Variants in CNTNAP2 observed in about 807,000 individuals in gnomAD.
The protein encoded by CNTNAP2 is contactin associated protein 2.
In CNTNAP2, 98 loss-of-function variants were observed where a neutral mutation model predicts 155.2. That is an observed-to-expected ratio of 0.63 (90% CI 0.54 to 0.75). The LOEUF (loss-of-function observed/expected upper bound fraction) is 0.75. Ranked by LOEUF, CNTNAP2 falls within the 30% of genes least tolerant of loss-of-function variation. CNTNAP2 has a pLI of 0.00. For synonymous variants in CNTNAP2, 651 were observed against 631.2 expected (o/e 1.03, Z -0.47); for missense variants, 1,727 against 1,688.1 (o/e 1.02, Z -0.40).
intron 1 of CNTNAP2, among the ~76,000 whole-genome samples, chr7:146,342,189 T>C (rs1159121144): frequency 6.6e-6 from 1 of 152,162 alleles, no homozygotes; most frequent in Non-Finnish European, 1.5e-5. Flanking sequence ...TGGAAGATTA[T>C]TCTTCAGAGA....
intron 1 of CNTNAP2, among the ~76,000 whole-genome samples, chr7:146,259,317 A>G (rs1799885429): frequency 6.6e-6 from 1 of 152,274 alleles, no homozygotes; most frequent in East Asian, 1.9e-4. Context: ...ATAACCTGAA[A>G]ATGTGGAAGT....
chr7:146,801,540 G>A lies in CNTNAP2; in HGVS notation c.208+27159G>A, dbSNP rs755747969. Among the ~76,000 whole-genome samples the A allele has an allele frequency of 5.9e-5, 9 of 152,152 alleles. 1 individual carries two copies. Among genetic ancestry groups the A allele is most frequent in the African/African-American group, 1.2e-4 (5 of 41,456 alleles). ...AAGTTTCTATTTCCAAGAAAGGTAC[G>A]TAAGTGGAAATATATAGAGAATTTT... On this transcript the variant is annotated intron_variant, in intron 2 of 23. Coordinates refer to ENST00000361727, the MANE Select transcript of CNTNAP2 (RefSeq NM_014141.6).
chr7:147,863,204 G>A (rs188775684), intron 13 of CNTNAP2, among the ~76,000 whole-genome samples: 1 of 152,118 alleles, frequency 6.6e-6, no homozygotes, highest in African/African-American at 2.4e-5. Flanking sequence ...CCTTGTGATA[G>A]TTTGCTGAGA....
intron 1 of CNTNAP2, among the ~76,000 whole-genome samples, chr7:146,622,571 A>G (rs1053572480): frequency 3.9e-5 from 6 of 152,104 alleles, no homozygotes; most frequent in African/African-American, 1.4e-4. Context: ...ATATTGATGT[A>G]TCCAACTATA....
intron 8 of CNTNAP2, among the ~76,000 whole-genome samples, chr7:147,172,248 T>C (rs1484481978): frequency 2.6e-5 from 4 of 152,194 alleles, no homozygotes; most frequent in Non-Finnish European, 5.9e-5. Context: ...TATAGCATCC[T>C]ATGTATCTGT....
At chr7:147,120,891 T>A (rs985207019) in intron 5 of CNTNAP2, 88 bp from the exon 6 acceptor site, 18 of 1,222,888 alleles carry the variant, frequency 1.5e-5, no homozygotes, top group Non-Finnish European at 2.2e-5. Context: ...AATGTCAGCC[T>A]CTAGGTGCTG....
At chr7:146,501,942 A>G (rs1797306207) in intron 1 of CNTNAP2, among the ~76,000 whole-genome samples, 1 of 152,040 alleles carries the variant, frequency 6.6e-6, no homozygotes, top group Non-Finnish European at 1.5e-5. Flanking sequence ...CCAGAAGCTG[A>G]AACAAACAAG....
At chr7:146,688,434 G>A (rs1194278053) in intron 1 of CNTNAP2, among the ~76,000 whole-genome samples, 1 of 151,988 alleles carries the variant, frequency 6.6e-6, no homozygotes, top group Non-Finnish European at 1.5e-5. Flanking sequence ...TGAAAAAGGA[G>A]TCAGCAAAGG....
chr7:146,293,561 A>G lies in CNTNAP2; in HGVS notation c.97+176588A>G, dbSNP rs369488929. On this transcript the variant is annotated intron_variant, in intron 1 of 23. Coordinates refer to ENST00000361727, the MANE Select transcript of CNTNAP2 (RefSeq NM_014141.6). ...TAGTTAACATTTAGTAACTAAGTAC[A>G]CTAGTACATTTGACTTACAGGCCAT... Among the ~76,000 whole-genome samples, 169 of 152,252 alleles carry G rather than the reference A, an allele frequency of 1.1e-3. 4 individuals are homozygous for G. In the South Asian group the frequency reaches 0.031, roughly 28 times the overall value.
intron 13 of CNTNAP2, among the ~76,000 whole-genome samples, chr7:147,680,411 T>C (rs1563050773): frequency 2.0e-5 from 3 of 151,894 alleles, no homozygotes; most frequent in Admixed American, 6.6e-5. Context: ...TATCAAGACA[T>C]ATGAGAAGAT....
chr7:146,171,747 A>G lies in CNTNAP2; in HGVS notation c.97+54774A>G, dbSNP rs80116822. Reference sequence around the variant, plus strand: ...GGAAATAGTATCATAAAACATATATAATGTGTAAATTTAATAAACTTTTAA... The same window carrying G: ...GGAAATAGTATCATAAAACATATATGATGTGTAAATTTAATAAACTTTTAA... On this transcript the variant is annotated intron_variant, in intron 1 of 23. Transcript: ENST00000361727. Among the ~76,000 whole-genome samples, 86 of 152,206 alleles carry G rather than the reference A, an allele frequency of 5.7e-4. 2 individuals are homozygous for G. In the East Asian group the frequency reaches 0.014, roughly 26 times the overall value.
At chr7:147,114,076 A>G (rs1024070717) in intron 5 of CNTNAP2, among the ~76,000 whole-genome samples, 5 of 152,178 alleles carry the variant, frequency 3.3e-5, no homozygotes, top group African/African-American at 1.2e-4. Flanking sequence ...TATTTACCCA[A>G]GAGTCACTAA....
chr7:148,399,407 C>A (rs1201540948), intron 22 of CNTNAP2, among the ~76,000 whole-genome samples: 4 of 152,152 alleles, frequency 2.6e-5, no homozygotes, highest in Non-Finnish European at 5.9e-5. Context: ...CATAGCAAGA[C>A]CCTGTCTCTA....
At chr7:148,083,298 C>T (rs1293461640) in intron 15 of CNTNAP2, among the ~76,000 whole-genome samples, 1 of 152,156 alleles carries the variant, frequency 6.6e-6, no homozygotes, top group Non-Finnish European at 1.5e-5. Context: ...TTCTCAGTTA[C>T]CTTTCATAAT....
chr7:146,184,090 C>T (rs1798589140), intron 1 of CNTNAP2, among the ~76,000 whole-genome samples: 1 of 152,102 alleles, frequency 6.6e-6, no homozygotes, highest in South Asian at 2.1e-4. Flanking sequence ...CCCAAGATCC[C>T]AGATGCAGAA....
At chr7:147,476,642 G>T (rs1162701787) in intron 10 of CNTNAP2, among the ~76,000 whole-genome samples, 1 of 151,700 alleles carries the variant, frequency 6.6e-6, no homozygotes, top group Non-Finnish European at 1.5e-5. Flanking sequence ...GATACACCAG[G>T]TTGGTCAGGC....
Position 146,906,297 on chromosome 7 carries a change from A to G in CNTNAP2, c.402+66393A>G, listed in dbSNP as rs866636063. ...AGGAAGCTGGAACTGGGTGGAGCCC[A>G]CCACAGCTCAAGGAGGCCTGGCTGC... is the stretch of plus-strand genomic sequence containing the variant. On this transcript the variant is annotated intron_variant, in intron 3 of 23. Coordinates refer to ENST00000361727, the MANE Select transcript of CNTNAP2 (RefSeq NM_014141.6). Among the ~76,000 whole-genome samples, 7 of 152,346 alleles carry G rather than the reference A, an allele frequency of 4.6e-5. No individual in the cohort carries two copies. The South Asian group carries it at 1.4e-3, about 32-fold the overall frequency.
chr7:148,220,497 A>G (rs1009366823), intron 19 of CNTNAP2, among the ~76,000 whole-genome samples: 1 of 152,212 alleles, frequency 6.6e-6, no homozygotes, highest in Non-Finnish European at 1.5e-5. Context: ...CATTTTATGG[A>G]ATATTATGTA....
intron 1 of CNTNAP2, among the ~76,000 whole-genome samples, chr7:146,528,047 A>T (rs565674785): frequency 5.8e-4 from 89 of 152,226 alleles, no homozygotes; most frequent in Admixed American, 2.0e-3. Context: ...TCTTCTTTCT[A>T]TTGATATAAT....
Sources: gnomAD v4.1 joint callset for allele counts (sites outside exome capture counted in the v4.1 genomes callset) on GRCh38, gnomAD v4.1.1 for gene constraint, MANE v1.5 for transcripts, NCBI Gene and HGNC (gene_info 2026-07-23, HGNC 2026-07-21) for gene names.